TMEM52B: variants seen among roughly 807,000 people sequenced by gnomAD.
The protein encoded by TMEM52B is chromosome 12 open reading frame 59.
A neutral mutation model predicts 16.1 loss-of-function variants in TMEM52B; 11 were observed. The ratio of observed to expected loss-of-function variants is 0.68; its 90% CI spans 0.43 to 1.13. The LOEUF (loss-of-function observed/expected upper bound fraction) is 1.13, where lower values mean the gene tolerates loss of function less well. Ranked by LOEUF, TMEM52B falls within the 50% of genes most tolerant of loss-of-function variation. The pLI, the probability that TMEM52B is intolerant of heterozygous loss-of-function variation, is 0.00. For missense variants in TMEM52B, 243 were observed against 230.4 expected (o/e 1.05, Z -0.35); for synonymous variants, 101 against 93.8 (o/e 1.08, Z -0.45).
chr12:10,173,921 G>A (rs367584004), intron 1 of TMEM52B, among the ~76,000 whole-genome samples: 4 of 152,098 alleles, frequency 2.6e-5, no homozygotes, highest in African/African-American at 9.7e-5. Context: ...GTACTGTTCA[G>A]TGGCATTAAG....
rs1453399854 is a variant in TMEM52B at position 10,189,045 on chromosome 12, A to AG, written c.308-851_308-850insG. On this transcript the variant is annotated intron_variant, in intron 4 of 4. Coordinates refer to ENST00000543484, the MANE Select transcript of TMEM52B (RefSeq NM_001384896.1). ...AAAAAAAAAAAAAAAAAAAAAAAAA[A>AG]AAAAAATTAGCCAGGCACGTTGGCA... 7.4e-5 allele frequency among the ~76,000 whole-genome samples: 9 copies of AG among 122,056 alleles called. No homozygotes were observed. The East Asian group carries it at 1.6e-3, about 22-fold the overall frequency. 80.1% of individuals were successfully genotyped at this position (122,056 alleles called of 152,430 possible).
chr12:10,182,033 A>C lies in TMEM52B; in HGVS notation c.55-517A>C, dbSNP rs1447982681. On this transcript the variant is annotated intron_variant, in intron 1 of 4. Transcript: ENST00000543484. ...CAGAGCAAGACTCAAAAAAAAAAAA[A>C]AAAAAAACAAAAAAAAAAAACTTGT... 1,387 of 245,634 alleles carry C rather than the reference A, an allele frequency of 5.6e-3. 23 individuals are homozygous for C. Among genetic ancestry groups the C allele is most frequent in the African/African-American group, 0.032 (1,299 of 40,506 alleles). 15.2% of individuals were successfully genotyped at this position (245,634 alleles called of 1,614,324 possible).
chr12:10,179,693 T>C, intron 1 of TMEM52B, 65 bp downstream of exon 1: 1 of 1,597,596 alleles, frequency 6.3e-7, no homozygotes, highest in Non-Finnish European at 8.6e-7. Context: ...CTCAGAAGAG[T>C]CTGAAAGGAA....
At chr12:10,174,269 G>T (rs949131389), upstream of TMEM52B, among the ~76,000 whole-genome samples, 3 of 151,990 alleles carry the variant, frequency 2.0e-5, no homozygotes, top group African/African-American at 7.3e-5. Flanking sequence ...CACCATGTTG[G>T]CCAGGCTGGT....
At chr12:10,185,431 C>A (rs1008054326) in intron 3 of TMEM52B, 63 bp downstream of exon 3, 6 of 1,223,014 alleles carry the variant, frequency 4.9e-6, no homozygotes, top group Non-Finnish European at 7.3e-6. Flanking sequence ...AAAATGACAA[C>A]CTGCCTACTT....
chr12:10,182,081 T>A, intron 1 of TMEM52B: 1 of 979,430 alleles, frequency 1.0e-6, no homozygotes, highest in Non-Finnish European at 1.2e-6. Context: ...TGGCATCTAG[T>A]AGCTATTCGA....
chr12:10,173,305 G>A (rs1370812869), intron 1 of TMEM52B, among the ~76,000 whole-genome samples: 1 of 150,734 alleles, frequency 6.6e-6, no homozygotes. Context: ...ATTACTCCAG[G>A]AAAAAAAAGT....
At chr12:10,170,574 C>A (rs1217612264) in exon 1 of TMEM52B, 2 of 150,652 alleles carry the variant, frequency 1.3e-5, no homozygotes, top group African/African-American at 4.9e-5. Context: ...TCACTGCAAC[C>A]TCCGCCTCCT....
chr12:10,185,222 A>G (rs1948866908), intron 2 of TMEM52B, 108 bp from the exon 3 acceptor site: 1 of 815,786 alleles, frequency 1.2e-6, no homozygotes, highest in African/African-American at 1.7e-5. Flanking sequence ...ATGGTGCTTT[A>G]TTTATAACAA....
intron 2 of TMEM52B, among the ~76,000 whole-genome samples, chr12:10,184,955 G>A (rs1024055239): frequency 6.6e-6 from 1 of 151,964 alleles, no homozygotes; most frequent in African/African-American, 2.4e-5. Context: ...CTCGTGATCT[G>A]CCAGCCTTAG....
chr12:10,178,289 G>A (rs1948783296), upstream of TMEM52B, among the ~76,000 whole-genome samples: 3 of 151,858 alleles, frequency 2.0e-5, no homozygotes, highest in South Asian at 6.2e-4. Flanking sequence ...GGCCGAGTCG[G>A]GCGGATCATG....
At chr12:10,176,704 A>G (rs1003544848), upstream of TMEM52B, among the ~76,000 whole-genome samples, 2 of 152,236 alleles carry the variant, frequency 1.3e-5, no homozygotes, top group Non-Finnish European at 2.9e-5. Context: ...AACACAAAAA[A>G]TATCAGGACT....
intron 1 of TMEM52B, among the ~76,000 whole-genome samples, chr12:10,181,160 G>T (rs1390717211): frequency 1.3e-5 from 2 of 152,134 alleles, no homozygotes; most frequent in African/African-American, 2.4e-5. Flanking sequence ...AGAAGAAAGA[G>T]TGGACAGTTT....
chr12:10,176,427 A>T (rs571841241), upstream of TMEM52B, among the ~76,000 whole-genome samples: 1 of 152,344 alleles, frequency 6.6e-6, no homozygotes, highest in South Asian at 2.1e-4. Flanking sequence ...GATGGCAATT[A>T]CGTGTTAGAA....
rs141227819 is a variant in TMEM52B at position 10,190,049 on chromosome 12, A to C, written c.461A>C (p.Gln154Pro). The C allele has an allele frequency of 1.1e-5, 17 of 1,614,060 alleles. No homozygotes were observed. Among genetic ancestry groups the C allele is most frequent in the Non-Finnish European group, 1.4e-5 (17 of 1,180,046 alleles). Reference protein sequence around the residue: ...MSRFTVAMCGQKAPDLPPVPE... With the variant: ...MSRFTVAMCGPKAPDLPPVPE... ...CGCTTCACAGTAGCCATGTGCGGGC[A>C]GAAAGCACCTGATCTACCCCCAGTA... The change falls in exon 5 of 5, where the codon CAG (glutamine) becomes CCG (proline). Residue 154 changes from glutamine (Q) to proline (P), a missense_variant. Gln to Pro is a moderately conservative substitution (Grantham distance 76). Transcript: ENST00000543484.
Position 10,190,257 on chromosome 12 carries a change from A to C in TMEM52B, c.*117A>C. ...AGATGGCATCTAACACCATCATTCT[A>C]TGGGAAAGATGGTTCTTACTCTTCG... is the stretch of plus-strand genomic sequence containing the variant. On this transcript the variant is annotated 3_prime_UTR_variant, in exon 5 of 5. Coordinates refer to ENST00000543484, the MANE Select transcript of TMEM52B (RefSeq NM_001384896.1). 8 of 1,270,798 alleles carry C rather than the reference A, an allele frequency of 6.3e-6. No homozygotes were observed. The South Asian group carries it at 1.1e-4, about 18-fold the overall frequency. The allele number at this position is 1,270,798 out of a possible 1,614,324, so 78.7% of individuals were successfully genotyped here.
intron 1 of TMEM52B, 22 bp downstream of exon 1, chr12:10,179,650 C>T: frequency 1.2e-6 from 2 of 1,613,754 alleles, no homozygotes; most frequent in Non-Finnish European, 1.7e-6. Flanking sequence ...GGTGAAAAGG[C>T]AGAAAGAGTA....
chr12:10,190,470 C>A lies in TMEM52B; in HGVS notation c.*330C>A. The stretch of plus-strand genomic sequence containing the variant: ...GAATTCCTGTACCCACATGATACTG[C>A]AAGTTGTGTCTCTCTCTGTCAGCGA... On this transcript the variant is annotated 3_prime_UTR_variant, in exon 5 of 5. Coordinates refer to ENST00000543484, the MANE Select transcript of TMEM52B (RefSeq NM_001384896.1). 3.9e-6 allele frequency: 1 copy of A among 255,510 alleles called. No homozygotes were observed. The highest frequency in any genetic ancestry group is 7.8e-6 in the Non-Finnish European group (1 of 128,464). The allele number at this position is 255,510 out of a possible 1,614,324, so 15.8% of individuals were successfully genotyped here. A position where few individuals can be genotyped will look rare whatever the true frequency, so the allele number is the denominator to read the frequency against.
rs749219165 is a variant in TMEM52B at position 10,188,529 on chromosome 12, G to GA, written c.308-1365dup. Among the ~76,000 whole-genome samples, 318 of 97,908 alleles carry GA rather than the reference G, an allele frequency of 3.2e-3. 3 individuals carry two copies. Among genetic ancestry groups the GA allele is most frequent in the African/African-American group, 8.6e-3 (251 of 29,030 alleles). 64.2% of individuals were successfully genotyped at this position (97,908 alleles called of 152,430 possible). On this transcript the variant is annotated intron_variant, in intron 4 of 4. Transcript: ENST00000543484. ...GGAAGGAAGGAAGGAAGGAAGGAAG[G>GA]AAGGAAGGAAAAGAAGAAAAAGAAA... is the stretch of plus-strand genomic sequence containing the variant.
Sources: allele counts gnomAD v4.1 joint callset (sites outside exome capture counted in the v4.1 genomes callset), GRCh38; gene constraint gnomAD v4.1.1; transcripts MANE v1.5; gene names NCBI Gene and HGNC (gene_info 2026-07-23, HGNC 2026-07-21).